SZT2: variants seen among roughly 807,000 people sequenced by gnomAD.
The protein encoded by SZT2 is KICSTOR complex protein SZT2.
SZT2 carries 216 observed loss-of-function variants against 404.2 expected under a neutral mutation model. The ratio of observed to expected loss-of-function variants is 0.53; its 90% CI spans 0.48 to 0.60. SZT2 has a LOEUF of 0.60. SZT2 is among the 20% of genes least tolerant of loss of function. The pLI, the probability that SZT2 is intolerant of heterozygous loss-of-function variation, is 0.00. For synonymous variants in SZT2, 1,693 were observed against 1,749.9 expected (o/e 0.97, Z 0.81); for missense variants, 3,857 against 4,459.2 (o/e 0.86, Z 3.85).
Position 43,420,035 on chromosome 1 carries a change from G to A in SZT2, c.1090+91G>A. ...CCCTGGAGGACTGAAAGTGTAACTG[G>A]GGCTGGCTCTGCTGGCACTGTTACC... On this transcript the variant is annotated intron_variant, in intron 8 of 71. Transcript: ENST00000634258. The surrounding 1 kb of genome is among the most constrained non-coding windows in gnomAD (Gnocchi z 5.1). 1.9e-6 allele frequency: 3 copies of A among 1,567,954 alleles called. No individual in the cohort carries two copies. The highest frequency in any genetic ancestry group is 2.6e-6 in the Non-Finnish European group (3 of 1,158,470).
At position 43,428,128 on chromosome 1, in the gene SZT2, A is replaced by G. The variant is rs547316008; in HGVS notation, c.3919+10A>G. 1.4e-4 allele frequency: 229 copies of G among 1,612,988 alleles called. 2 individuals carry two copies. Among genetic ancestry groups the G allele is most frequent in the South Asian group, 1.4e-3 (124 of 91,070 alleles). On this transcript the variant is annotated intron_variant, in intron 27 of 71. Coordinates refer to ENST00000634258, the MANE Select transcript of SZT2 (RefSeq NM_001365999.1). ...CGGTGCTATGTCCGTGGTGAGCAGG[A>G]GGGCCGTGGGAGGGAGGAGTGGGGC...
rs1446101952 is a variant in SZT2, at chr1:43,428,074, A to G, written c.3875A>G (p.His1292Arg). The change falls in exon 27 of 72, where the codon CAC (histidine) becomes CGC (arginine). Residue 1292 changes from histidine to arginine, a missense_variant. His to Arg is a conservative substitution (Grantham distance 29, BLOSUM62 0). Transcript: ENST00000634258. The part of the protein sequence containing the change: ...MEPRYKEAAN[H>R]CALLQEHAQR... ...CCCCGGTACAAGGAGGCAGCTAACCACTGTGCCCTGCTGCAGGAGCATGCA... is the reference window on the plus strand; with the variant it reads ...CCCCGGTACAAGGAGGCAGCTAACCGCTGTGCCCTGCTGCAGGAGCATGCA... 1 of 1,613,994 alleles carries G rather than the reference A, an allele frequency of 6.2e-7. No individual in the cohort carries two copies. The highest frequency in any genetic ancestry group is 8.5e-7 in the Non-Finnish European group (1 of 1,179,968).
At chr1:43,418,319 A>G (rs1651937047) in intron 7 of SZT2, among the ~76,000 whole-genome samples, 1 of 152,234 alleles carries the variant, frequency 6.6e-6, no homozygotes, top group Non-Finnish European at 1.5e-5. Flanking sequence ...TTGAAAATAA[A>G]GGAAGGAAAA....
intron 14 of SZT2, 91 bp downstream of exon 14, chr1:43,422,974 AG>A: frequency 6.8e-7 from 1 of 1,481,172 alleles, no homozygotes; most frequent in Non-Finnish European, 9.1e-7. Flanking sequence ...GGTCTAATAG[AG>A]GGAGGAGCCC....
chr1:43,426,934 AT>A lies in SZT2; in HGVS notation c.3310-118del. The A allele has an allele frequency of 6.4e-7, 1 of 1,560,994 alleles. No individual in the cohort carries two copies. Among genetic ancestry groups the A allele is most frequent in the Non-Finnish European group, 8.7e-7 (1 of 1,143,530 alleles). On this transcript the variant is annotated intron_variant, in intron 23 of 71. Transcript: ENST00000634258. This position sits in a 1 kb window ranked among gnomAD's most constrained non-coding sequence, Gnocchi z 4.9. ...CATCTGCCAATGACACAATGCCGTCATTTTCCATTGTCCTGGATCTTTCAAG... is the reference window on the plus strand; with the variant it reads ...CATCTGCCAATGACACAATGCCGTCATTTCCATTGTCCTGGATCTTTCAAG...
chr1:43,421,058 G>A, intron 10 of SZT2, 75 bp downstream of exon 10: 1 of 1,593,590 alleles, frequency 6.3e-7, no homozygotes, highest in Non-Finnish European at 8.5e-7. Flanking sequence ...GGCGGGAGCT[G>A]GGGAGCATCA....
rs2153937098 is a variant in SZT2, at chr1:43,448,909, C to T, written c.10086+181C>T. On this transcript the variant is annotated intron_variant, in intron 70 of 71. Transcript: ENST00000634258. This position sits in a 1 kb window ranked among gnomAD's most constrained non-coding sequence, Gnocchi z 4.2. ...GCATCGAGCTACAGCATGTGATTCT[C>T]TGAGCAGCTCTGCCCTCAAAGACTC... 1 of 629,652 alleles carries T rather than the reference C, an allele frequency of 1.6e-6. No individual in the cohort carries two copies. Among genetic ancestry groups the T allele is most frequent in the East Asian group, 2.7e-5 (1 of 37,172 alleles). The allele number at this position is 629,652 out of a possible 1,614,324, so 39.0% of individuals were successfully genotyped here. A position where few individuals can be genotyped will look rare whatever the true frequency, so the allele number is the denominator to read the frequency against.
In SZT2 at chr1:43,426,523, A is replaced by C. The variant is rs1653164949; in HGVS notation, c.3199A>C (p.Thr1067Pro). Residue 1067 changes from threonine to proline, a missense_variant, in exon 22 of 72, where the codon ACC becomes CCC. By Grantham distance (38) the Thr-to-Pro change is conservative (BLOSUM62 -1). Coordinates refer to ENST00000634258, the MANE Select transcript of SZT2 (RefSeq NM_001365999.1). The surrounding 1 kb of genome is among the most constrained non-coding windows in gnomAD (Gnocchi z 4.9). The stretch of plus-strand genomic sequence containing the variant: ...CTTCTTGAGTGAGGTGCTGCGGCGG[A>C]CCTGCCACGTTCCAGGTGAGTTCCC... Reference protein sequence around the residue: ...AAFLSEVLRRTCHVPGAEGPL... With the variant: ...AAFLSEVLRRPCHVPGAEGPL... 2 of 1,580,976 alleles carry C rather than the reference A, an allele frequency of 1.3e-6. No individual in the cohort carries two copies. Among genetic ancestry groups the C allele is most frequent in the Non-Finnish European group, 8.5e-7 (1 of 1,171,132 alleles).
chr1:43,406,377 C>CATG, intron 4 of SZT2: 1 of 195,036 alleles, frequency 5.1e-6, no homozygotes, highest in South Asian at 5.6e-5. Context: ...GGATTACAGG[C>CATG]ATGAGCTACT....
chr1:43,445,489 CAT>C, intron 62 of SZT2: 2 of 213,870 alleles, frequency 9.4e-6, no homozygotes. Flanking sequence ...CTGGAACTGC[CAT>C]CCCCCCCAAT....
At chr1:43,421,034 G>C in intron 10 of SZT2, 51 bp downstream of exon 10, 1 of 1,594,646 alleles carries the variant, frequency 6.3e-7, no homozygotes, top group South Asian at 1.1e-5. Flanking sequence ...TGTATGGAGG[G>C]ACAGATTTGC....
Position 43,427,109 on chromosome 1 carries a change from G to A in SZT2, c.3363G>A (p.Gln1121=). ...LKPLISAQPP[Q]WRCYARLVNP... Reference sequence around the variant, plus strand: ...CTCTCATCTCTGCCCAGCCCCCTCAGTGGCGCTGCTATGCAAGGCTTGTGA... The same window carrying A: ...CTCTCATCTCTGCCCAGCCCCCTCAATGGCGCTGCTATGCAAGGCTTGTGA... The change falls in exon 24 of 72, where the codon CAG becomes CAA. Residue 1121 remains glutamine, a synonymous_variant. Coordinates refer to ENST00000634258, the MANE Select transcript of SZT2 (RefSeq NM_001365999.1). 2 of 1,614,200 alleles carry A rather than the reference G, an allele frequency of 1.2e-6. No homozygotes were observed. Among genetic ancestry groups the A allele is most frequent in the Middle Eastern group, 3.3e-4 (2 of 6,062 alleles).
rs1258614896 is a variant in SZT2, at chr1:43,439,216, C to T, written c.6792+123C>T. On this transcript the variant is annotated intron_variant, in intron 48 of 71. Transcript: ENST00000634258. This position sits in a 1 kb window ranked among gnomAD's most constrained non-coding sequence, Gnocchi z 4.2. The stretch of plus-strand genomic sequence containing the variant: ...CCCATGGACCTGGGTACACCCATGC[C>T]CCCCCGGGGACCATTATTACCCGCC... 3 of 1,532,528 alleles carry T rather than the reference C, an allele frequency of 2.0e-6. No individual in the cohort carries two copies. Among genetic ancestry groups the T allele is most frequent in the Non-Finnish European group, 2.7e-6 (3 of 1,115,122 alleles). 94.9% of individuals were successfully genotyped at this position (1,532,528 alleles called of 1,614,324 possible). A position where few individuals can be genotyped will look rare whatever the true frequency, so the allele number is the denominator to read the frequency against.
At chr1:43,436,544 A>G (rs1339914736) in intron 42 of SZT2, 1 of 152,320 alleles carries the variant, frequency 6.6e-6, no homozygotes, top group Non-Finnish European at 1.5e-5. Flanking sequence ...CAGAAACTTC[A>G]GCCTCCTGGG....
intron 62 of SZT2, chr1:43,445,187 TAAA>T (rs886850652): frequency 6.7e-6 from 1 of 148,482 alleles, no homozygotes; most frequent in Non-Finnish European, 1.5e-5. Flanking sequence ...GACACTGGGT[TAAA>T]AAAAAAAATG....
At position 43,450,002 on chromosome 1, in the gene SZT2, T is replaced by G. The variant is rs1570751917; in HGVS notation, c.10087-101T>G. The stretch of plus-strand genomic sequence containing the variant: ...ACCTCAGGGTGCAGGCGGGGTGAGG[T>G]GTGGAGATGGAAGTAGGCCTCTCCT... On this transcript the variant is annotated intron_variant, in intron 70 of 71. Transcript: ENST00000634258. This position sits in a 1 kb window ranked among gnomAD's most constrained non-coding sequence, Gnocchi z 4.3. 12 of 1,385,012 alleles carry G rather than the reference T, an allele frequency of 8.7e-6. No homozygotes were observed. Among genetic ancestry groups the G allele is most frequent in the Admixed American group, 1.8e-5 (1 of 57,094 alleles). The allele number at this position is 1,385,012 out of a possible 1,614,324, so 85.8% of individuals were successfully genotyped here. A position where few individuals can be genotyped will look rare whatever the true frequency, so the allele number is the denominator to read the frequency against.
chr1:43,425,654 C>T lies in SZT2; in HGVS notation c.2814+12C>T. 6.2e-7 allele frequency: 1 copy of T among 1,613,448 alleles called. No homozygotes were observed. Among genetic ancestry groups the T allele is most frequent in the Non-Finnish European group, 8.5e-7 (1 of 1,179,978 alleles). On this transcript the variant is annotated intron_variant, in intron 19 of 71. Transcript: ENST00000634258. This position sits in a 1 kb window ranked among gnomAD's most constrained non-coding sequence, Gnocchi z 4.3. ...AGATCCCGCAAGCTGTGAGTGTCCT[C>T]AGAACAGTACCCGCACCTCTCTCAC...
At position 43,426,155 on chromosome 1, in the gene SZT2, G is replaced by A. The variant is rs185370680; in HGVS notation, c.3043+4G>A. The A allele has an allele frequency of 2.5e-6, 4 of 1,613,852 alleles. No individual in the cohort carries two copies. In the Admixed American group the frequency reaches 5.0e-5, roughly 20 times the overall value. On this transcript the variant is annotated splice_donor_region_variant and intron_variant, in intron 21 of 71. Coordinates refer to ENST00000634258, the MANE Select transcript of SZT2 (RefSeq NM_001365999.1). The surrounding 1 kb of genome is among the most constrained non-coding windows in gnomAD (Gnocchi z 4.9). Reference sequence around the variant, plus strand: ...TTCTTCCTCTTGCTTGCCAGAGGTAGGTGAACCTGGTACCCTTTCACCCCA... The same window carrying A: ...TTCTTCCTCTTGCTTGCCAGAGGTAAGTGAACCTGGTACCCTTTCACCCCA...
rs1387550926 is a variant in SZT2, at chr1:43,438,830, C to T, written c.6627+13C>T. On this transcript the variant is annotated intron_variant, in intron 47 of 71. Transcript: ENST00000634258. ...AGCTGATGTGGAGGTCAGCTCCCCT[C>T]TAGGCACCAGCATCCTTCCCAGACT... 3 of 1,612,022 alleles carry T rather than the reference C, an allele frequency of 1.9e-6. No individual in the cohort carries two copies. The highest frequency in any genetic ancestry group is 2.5e-6 in the Non-Finnish European group (3 of 1,178,564).
Sources: gnomAD v4.1 joint callset for allele counts (sites outside exome capture counted in the v4.1 genomes callset) on GRCh38, gnomAD v4.1.1 for gene constraint, Gnocchi (gnomAD v3.1) non-coding constraint, MANE v1.5 for transcripts, NCBI Gene and HGNC (gene_info 2026-07-23, HGNC 2026-07-21) for gene names.